The following XYLT1 variants were observed in gnomAD, a reference collection of about 807,000 sequenced individuals.
The protein encoded by XYLT1 is beta-D-xylosyltransferase 1.
In XYLT1, 36 loss-of-function variants were observed where a neutral mutation model predicts 91.3. That is an observed-to-expected ratio of 0.39 (90% CI 0.30 to 0.52). The LOEUF (loss-of-function observed/expected upper bound fraction) is 0.52, where lower values mean the gene tolerates loss of function less well. XYLT1 is among the 20% of genes least tolerant of loss of function. The pLI is 0.68. For missense variants in XYLT1, 1,242 were observed against 1,284.5 expected (o/e 0.97, Z 0.51); for synonymous variants, 588 against 532.0 (o/e 1.11, Z -1.45).
At chr16:17,424,909 C>T (rs895865868) in intron 1 of XYLT1, among the ~76,000 whole-genome samples, 2 of 151,918 alleles carry the variant, frequency 1.3e-5, no homozygotes, top group South Asian at 2.1e-4. Context: ...ACACACACCC[C>T]GACACTGTAC....
At chr16:17,158,753 C>T (rs1193013961) in intron 6 of XYLT1, 76 bp downstream of exon 6, 1 of 1,526,384 alleles carries the variant, frequency 6.6e-7, no homozygotes, top group Non-Finnish European at 9.1e-7. Flanking sequence ...TGCATGAAAC[C>T]AGCCTAGAAA....
chr16:17,318,788 C>CT (rs1205066197), intron 2 of XYLT1, among the ~76,000 whole-genome samples: 4 of 90,606 alleles, frequency 4.4e-5, no homozygotes, highest in African/African-American at 2.8e-4. Context: ...GATCTGCTTA[C>CT]TCTTTTTTTT....
chr16:17,112,865 A>G (rs1337084239), intron 11 of XYLT1, among the ~76,000 whole-genome samples: 1 of 152,016 alleles, frequency 6.6e-6, no homozygotes, highest in Admixed American at 6.6e-5. Context: ...TTTGAGACGG[A>G]GTCTCGCTCT....
chr16:17,418,438 TCA>T (rs2036207392), intron 1 of XYLT1, among the ~76,000 whole-genome samples: 2 of 152,232 alleles, frequency 1.3e-5, no homozygotes, highest in South Asian at 4.2e-4. Flanking sequence ...TTCCAGCCTA[TCA>T]TATTTGATGC....
At chr16:17,310,573 C>T (rs1023999459) in intron 2 of XYLT1, among the ~76,000 whole-genome samples, 5 of 152,126 alleles carry the variant, frequency 3.3e-5, no homozygotes, top group Admixed American at 6.5e-5. Context: ...AAGGCAGGCC[C>T]GGCGCAGTGG....
At chr16:17,394,049 A>G (rs939774293) in intron 1 of XYLT1, among the ~76,000 whole-genome samples, 1 of 152,164 alleles carries the variant, frequency 6.6e-6, no homozygotes, top group Non-Finnish European at 1.5e-5. Flanking sequence ...TGCTGGCATT[A>G]CAGGCATGAG....
intron 1 of XYLT1, among the ~76,000 whole-genome samples, chr16:17,370,356 C>G (rs1394361290): frequency 6.6e-6 from 1 of 152,248 alleles, no homozygotes; most frequent in African/African-American, 2.4e-5. Flanking sequence ...TCTACGCCTT[C>G]TGCAGTGGGG....
At chr16:17,339,656 T>A (rs182776995) in intron 2 of XYLT1, among the ~76,000 whole-genome samples, 45 of 152,218 alleles carry the variant, frequency 3.0e-4, no homozygotes, top group African/African-American at 9.4e-4. Flanking sequence ...TCCGAAGGGA[T>A]TTACAACACA....
rs554433400 is a variant in XYLT1 at position 17,297,966 on chromosome 16, A to G, written c.403-38468T>C. ...AACCCGGGAGGTGGAGCTTGCAGTG[A>G]GCCGAGATCGCGCCACTGCACTCCA... On this transcript the variant is annotated intron_variant, in intron 2 of 11. Transcript: ENST00000261381. 2.4e-4 allele frequency among the ~76,000 whole-genome samples: 36 copies of G among 151,846 alleles called. No individual in the cohort carries two copies. In the East Asian group the frequency reaches 7.0e-3, roughly 29 times the overall value.
chr16:17,117,734 C>T lies in XYLT1; in HGVS notation c.2469G>A (p.Val823=). ...CTGGCACCCAGTGGTGGAGAATTTT[C>T]ACTGTCCAGACCCCAGGCCTCAGGG... is the stretch of plus-strand genomic sequence containing the variant. ...NLPLRPGVWT[V]KILHHWVPVA... is the part of the protein sequence containing the mutation. The change falls in exon 11 of 12, where the codon GTG becomes GTA. Residue 823 remains valine, a synonymous_variant. Coordinates refer to ENST00000261381, the MANE Select transcript of XYLT1 (RefSeq NM_022166.4). The T allele has an allele frequency of 6.2e-7, 1 of 1,614,216 alleles. No homozygotes were observed. Among genetic ancestry groups the T allele is most frequent in the Non-Finnish European group, 8.5e-7 (1 of 1,180,040 alleles).
chr16:17,109,150 G>A (rs1469317198), intron 11 of XYLT1, 133 bp from the exon 12 acceptor site: 1 of 992,660 alleles, frequency 1.0e-6, no homozygotes, highest in Non-Finnish European at 1.4e-6. Flanking sequence ...ATCTCATGAG[G>A]AAGTTCTTTT....
chr16:17,121,253 T>G (rs1371170397), intron 10 of XYLT1, among the ~76,000 whole-genome samples: 1 of 152,216 alleles, frequency 6.6e-6, no homozygotes, highest in African/African-American at 2.4e-5. Flanking sequence ...GGATAAACAC[T>G]TCCCTGAAAT....
intron 2 of XYLT1, among the ~76,000 whole-genome samples, chr16:17,344,359 G>T (rs562319041): frequency 3.3e-5 from 5 of 151,648 alleles, no homozygotes; most frequent in African/African-American, 4.8e-5. Flanking sequence ...CGGGCGTGGT[G>T]GCGGGCGCCT....
At chr16:17,146,469 T>C (rs890716107) in intron 6 of XYLT1, among the ~76,000 whole-genome samples, 1 of 152,056 alleles carries the variant, frequency 6.6e-6, no homozygotes, top group Admixed American at 6.6e-5. Context: ...TAGATATGGG[T>C]TGTAAAGTTA....
rs2141515750 is a variant in XYLT1, at chr16:17,138,536, A to G, written c.1588-5T>C. Reference sequence around the variant, plus strand: ...CAGGACCGTATGGAAGAAGGACTGCAGGGGAGAGAGGGACCCAGCCTGAGA... The same window carrying G: ...CAGGACCGTATGGAAGAAGGACTGCGGGGGAGAGAGGGACCCAGCCTGAGA... On this transcript the variant is annotated splice_region_variant and splice_polypyrimidine_tract_variant and intron_variant, in intron 7 of 11. Transcript: ENST00000261381. 1 of 1,612,008 alleles carries G rather than the reference A, an allele frequency of 6.2e-7. No homozygotes were observed. The highest frequency in any genetic ancestry group is 8.5e-7 in the Non-Finnish European group (1 of 1,178,276).
At chr16:17,218,357 C>CT (rs1383496437) in intron 3 of XYLT1, among the ~76,000 whole-genome samples, 2 of 135,944 alleles carry the variant, frequency 1.5e-5, no homozygotes, top group Non-Finnish European at 3.4e-5. Flanking sequence ...GTAGTGCGGA[C>CT]TTTTGTTTTT....
intron 1 of XYLT1, among the ~76,000 whole-genome samples, chr16:17,376,564 C>T (rs945189241): frequency 7.2e-5 from 11 of 152,166 alleles, no homozygotes; most frequent in East Asian, 3.9e-4. Flanking sequence ...CAGTGGCTCA[C>T]GCCTATAATC....
At chr16:17,353,942 G>A (rs1447539909) in intron 2 of XYLT1, among the ~76,000 whole-genome samples, 1 of 152,178 alleles carries the variant, frequency 6.6e-6, no homozygotes, top group Non-Finnish European at 1.5e-5. Context: ...TAGCCTCTCT[G>A]ACCCTTAGGT....
At chr16:17,396,253 C>A (rs920892926) in intron 1 of XYLT1, among the ~76,000 whole-genome samples, 2 of 152,166 alleles carry the variant, frequency 1.3e-5, no homozygotes, top group Non-Finnish European at 2.9e-5. Flanking sequence ...CTGTGCTGGG[C>A]ATCAAGGAAA....
Sources: gnomAD v4.1 joint callset for allele counts (sites outside exome capture counted in the v4.1 genomes callset) on GRCh38, gnomAD v4.1.1 for gene constraint, MANE v1.5 for transcripts, NCBI Gene and HGNC (gene_info 2026-07-23, HGNC 2026-07-21) for gene names.